The following DCC variants were observed in gnomAD, a reference collection of about 807,000 sequenced individuals.
DCC encodes DCC netrin 1 receptor, also known as netrin receptor DCC.
In DCC, 58 loss-of-function variants were observed where a neutral mutation model predicts 172.5. That is an observed-to-expected ratio of 0.34 (90% CI 0.27 to 0.42). The LOEUF is 0.42. DCC is among the 10% of genes least tolerant of loss of function. The pLI is 1.00. For synonymous variants in DCC, 709 were observed against 644.5 expected (o/e 1.10, Z -1.52); for missense variants, 1,740 against 1,791.0 (o/e 0.97, Z 0.51).
At chr18:53,157,250 G>C (rs2054753414) in intron 7 of DCC, 106 bp from the exon 8 acceptor site, 1 of 1,337,274 alleles carries the variant, frequency 7.5e-7, no homozygotes, top group Non-Finnish European at 1.1e-6. Context: ...TAGAATCAAG[G>C]TGACTATGAC....
intron 1 of DCC, among the ~76,000 whole-genome samples, chr18:52,589,061 A>T (rs1051220442): frequency 5.3e-5 from 8 of 152,196 alleles, no homozygotes; most frequent in Admixed American, 4.6e-4. Context: ...GGAACAGGAC[A>T]TGTCTCATTG....
chr18:52,711,543 G>T (rs538518584), intron 1 of DCC, among the ~76,000 whole-genome samples: 1 of 152,310 alleles, frequency 6.6e-6, no homozygotes, highest in East Asian at 1.9e-4. Context: ...TCTAGTTTTT[G>T]AAGTTTGTTC....
At chr18:53,048,608 AAAAATGTGATATATGATAAAG>A (rs1216168127) in intron 5 of DCC, among the ~76,000 whole-genome samples, 27 of 150,856 alleles carry the variant, frequency 1.8e-4, no homozygotes, top group African/African-American at 6.6e-4. Context: ...TACATGTATA[AAAAATGTGATATATGATAAAG>A]AAAATGTGAT....
intron 5 of DCC, among the ~76,000 whole-genome samples, chr18:53,012,610 C>T (rs887305650): frequency 2.0e-5 from 3 of 151,988 alleles, no homozygotes; most frequent in African/African-American, 7.2e-5. Context: ...AATATACACA[C>T]ACATACACAT....
chr18:53,125,035 T>G (rs1443669114), intron 7 of DCC, among the ~76,000 whole-genome samples: 9 of 151,960 alleles, frequency 5.9e-5, no homozygotes, highest in Admixed American at 3.9e-4. Flanking sequence ...AAACATAAAA[T>G]ATCCTGTTTT....
intron 1 of DCC, among the ~76,000 whole-genome samples, chr18:52,450,055 G>A (rs1453754325): frequency 1.3e-5 from 2 of 152,078 alleles, no homozygotes; most frequent in African/African-American, 2.4e-5. Flanking sequence ...TTACAATTGG[G>A]AAAAGAAACT....
Position 52,810,748 on chromosome 18 carries a change from G to A in DCC, c.412+58374G>A, listed in dbSNP as rs906567855. On this transcript the variant is annotated intron_variant, in intron 2 of 28. Coordinates refer to ENST00000442544, the MANE Select transcript of DCC (RefSeq NM_005215.4). Reference sequence around the variant, plus strand: ...GTAGGTATTTTTGAAACAGGTGAAGGGTAGGGATCAATCAGAGGAAAGCAC... The same window carrying A: ...GTAGGTATTTTTGAAACAGGTGAAGAGTAGGGATCAATCAGAGGAAAGCAC... 3.9e-5 allele frequency among the ~76,000 whole-genome samples: 6 copies of A among 152,290 alleles called. No homozygotes were observed. The East Asian group carries it at 7.7e-4, about 20-fold the overall frequency.
chr18:53,360,059 A>G (rs2057928558), intron 15 of DCC, among the ~76,000 whole-genome samples: 1 of 152,020 alleles, frequency 6.6e-6, no homozygotes, highest in Non-Finnish European at 1.5e-5. Flanking sequence ...TTTATATATA[A>G]TTAATATTTA....
intron 3 of DCC, among the ~76,000 whole-genome samples, chr18:52,917,083 G>T (rs2040051930): frequency 1.7e-5 from 2 of 121,186 alleles, no homozygotes; most frequent in African/African-American, 6.5e-5. Context: ...AAGAGTTTGA[G>T]ACCAGCCTGG....
At chr18:53,504,510 G>A (rs146863958) in intron 27 of DCC, among the ~76,000 whole-genome samples, 3 of 152,258 alleles carry the variant, frequency 2.0e-5, no homozygotes, top group South Asian at 2.1e-4. Context: ...GAAAGCTATC[G>A]GTGTGGCTTT....
At chr18:52,401,157 G>C (rs1986424582) in intron 1 of DCC, among the ~76,000 whole-genome samples, 1 of 151,900 alleles carries the variant, frequency 6.6e-6, no homozygotes, top group African/African-American at 2.4e-5. Flanking sequence ...GATAAATTCT[G>C]CTGGCCCTTG....
At chr18:53,023,463 C>T (rs1171945840) in intron 5 of DCC, among the ~76,000 whole-genome samples, 7 of 135,136 alleles carry the variant, frequency 5.2e-5, no homozygotes, top group East Asian at 2.2e-4. Flanking sequence ...TTTGGTAATA[C>T]GTCTTCAATG....
intron 12 of DCC, among the ~76,000 whole-genome samples, chr18:53,223,451 A>C: frequency 6.6e-6 from 1 of 152,098 alleles, no homozygotes; most frequent in Admixed American, 6.6e-5. Flanking sequence ...CTGAAGGCAA[A>C]GCTCACTTTA....
chr18:52,412,955 G>T (rs1986890957), intron 1 of DCC, among the ~76,000 whole-genome samples: 1 of 152,054 alleles, frequency 6.6e-6, no homozygotes, highest in Admixed American at 6.6e-5. Context: ...GAATAGGATT[G>T]TTACTATGCA....
intron 20 of DCC, among the ~76,000 whole-genome samples, chr18:53,414,680 C>T (rs759360030): frequency 2.0e-5 from 3 of 151,946 alleles, no homozygotes; most frequent in Non-Finnish European, 4.4e-5. Context: ...AACCACATCT[C>T]TACTAAAAAT....
intron 1 of DCC, among the ~76,000 whole-genome samples, chr18:52,585,153 A>G (rs2033642183): frequency 6.6e-6 from 1 of 152,196 alleles, no homozygotes; most frequent in South Asian, 2.1e-4. Flanking sequence ...ATGTGCCTCA[A>G]CTATGGGCTT....
chr18:52,608,023 A>G (rs2034172907), intron 1 of DCC, among the ~76,000 whole-genome samples: 1 of 152,122 alleles, frequency 6.6e-6, no homozygotes, highest in African/African-American at 2.4e-5. Context: ...CCTATTTTCA[A>G]GGATTTTTTT....
intron 26 of DCC, among the ~76,000 whole-genome samples, chr18:53,491,220 T>C (rs1326836286): frequency 6.6e-6 from 1 of 152,138 alleles, no homozygotes; most frequent in African/African-American, 2.4e-5. Context: ...AGCAATGGCG[T>C]TAAAGAGTAG....
At chr18:53,080,096 C>A (rs2042778729) in intron 7 of DCC, among the ~76,000 whole-genome samples, 1 of 152,026 alleles carries the variant, frequency 6.6e-6, no homozygotes, top group Non-Finnish European at 1.5e-5. Flanking sequence ...AGTTGGAAAG[C>A]TGTATCATCA....
Sources: gnomAD v4.1 joint callset for allele counts (sites outside exome capture counted in the v4.1 genomes callset) on GRCh38, gnomAD v4.1.1 for gene constraint, MANE v1.5 for transcripts, NCBI Gene and HGNC (gene_info 2026-07-23, HGNC 2026-07-21) for gene names.